MAGI2: variants seen among roughly 807,000 people sequenced by gnomAD.
MAGI2 encodes membrane-associated guanylate kinase, WW and PDZ domain-containing protein 2.
Under a neutral mutation model 133.3 loss-of-function variants are expected in MAGI2, and 35 were observed. That is an observed-to-expected ratio of 0.26 (90% CI 0.20 to 0.35). MAGI2 has a LOEUF of 0.35. MAGI2 is among the 10% of genes least tolerant of loss of function. The pLI, the probability that MAGI2 is intolerant of heterozygous loss-of-function variation, is 1.00. For synonymous variants in MAGI2, 729 were observed against 710.6 expected, an observed-to-expected ratio of 1.03 and a Z score of -0.41; for missense variants, 1,636 against 1,863.4, an observed-to-expected ratio of 0.88 and a Z score of 2.25.
rs544019215 is a variant in MAGI2 at position 78,685,070 on chromosome 7, A to T, written c.419-57831T>A. ...ATAAAGTATTTTATTTGTGGGCTGG[A>T]TGTCCCATCTCAGCCTTAAATGTTT... On this transcript the variant is annotated intron_variant, in intron 2 of 21. Transcript: ENST00000354212. Among the ~76,000 whole-genome samples, 221 of 152,296 alleles carry T rather than the reference A, an allele frequency of 1.5e-3. 1 individual carries two copies. The highest frequency in any genetic ancestry group is 9.1e-3 in the South Asian group (44 of 4,822).
At chr7:79,331,639 G>T (rs1840076955) in intron 1 of MAGI2, among the ~76,000 whole-genome samples, 1 of 152,126 alleles carries the variant, frequency 6.6e-6, no homozygotes, top group Non-Finnish European at 1.5e-5. Flanking sequence ...GAAATGCAAT[G>T]ATTGGCCTCA....
At chr7:78,431,932 T>C (rs1260736969) in intron 6 of MAGI2, among the ~76,000 whole-genome samples, 1 of 152,114 alleles carries the variant, frequency 6.6e-6, no homozygotes, top group African/African-American at 2.4e-5. Context: ...AATTTTTAGA[T>C]AGTTAAGTGA....
At chr7:78,180,687 T>TA (rs1307071133) in intron 13 of MAGI2, among the ~76,000 whole-genome samples, 6 of 152,192 alleles carry the variant, frequency 3.9e-5, no homozygotes, top group Non-Finnish European at 8.8e-5. Context: ...GCCAGCCATT[T>TA]ATTTCATCTT....
At chr7:78,697,110 T>C (rs1439626359) in intron 2 of MAGI2, among the ~76,000 whole-genome samples, 1 of 152,234 alleles carries the variant, frequency 6.6e-6, no homozygotes, top group Non-Finnish European at 1.5e-5. Flanking sequence ...ATTTCTACTA[T>C]CTTTTTCCTT....
At chr7:79,345,538 A>T (rs1252937363) in intron 1 of MAGI2, among the ~76,000 whole-genome samples, 1 of 152,126 alleles carries the variant, frequency 6.6e-6, no homozygotes, top group Non-Finnish European at 1.5e-5. Context: ...ATCCAGGAAG[A>T]CACCAAGTCT....
intron 1 of MAGI2, chr7:79,125,442 T>C (rs1820324319): frequency 6.0e-6 from 3 of 497,346 alleles, no homozygotes; most frequent in Middle Eastern, 6.4e-4. Flanking sequence ...ATGGATTTGA[T>C]AACGATGGTA....
At chr7:79,235,238 TG>T (rs1831793522) in intron 1 of MAGI2, among the ~76,000 whole-genome samples, 2 of 152,196 alleles carry the variant, frequency 1.3e-5, no homozygotes, top group Admixed American at 6.5e-5. Context: ...AGGTTACTGC[TG>T]TTTTTTTGTT....
At chr7:79,243,201 A>G (rs1467403880) in intron 1 of MAGI2, among the ~76,000 whole-genome samples, 1 of 152,196 alleles carries the variant, frequency 6.6e-6, no homozygotes, top group Non-Finnish European at 1.5e-5. Flanking sequence ...CCCATACAGC[A>G]TCAGCTCACA....
chr7:79,042,531 A>G lies in MAGI2; in HGVS notation c.302-35325T>C, dbSNP rs931141400. Among the ~76,000 whole-genome samples, 6 of 152,308 alleles carry G rather than the reference A, an allele frequency of 3.9e-5. No individual in the cohort carries two copies. The East Asian group carries it at 9.7e-4, about 25-fold the overall frequency. On this transcript the variant is annotated intron_variant, in intron 1 of 21. Transcript: ENST00000354212. ...AGGGCATTTAGCCTGTTTACATTCA[A>G]GGTTACTATTTATATACTAAATATA... is the stretch of plus-strand genomic sequence containing the variant.
chr7:78,286,389 T>A (rs866011144), intron 9 of MAGI2, among the ~76,000 whole-genome samples: 1 of 152,132 alleles, frequency 6.6e-6, no homozygotes, highest in African/African-American at 2.4e-5. Flanking sequence ...ACAAAATATA[T>A]GAAATATTTT....
intron 1 of MAGI2, among the ~76,000 whole-genome samples, chr7:79,296,128 G>T (rs934843379): frequency 4.6e-5 from 7 of 152,078 alleles, no homozygotes; most frequent in Admixed American, 1.3e-4. Context: ...TGATATTGTG[G>T]CATCTCTAAA....
chr7:79,109,400 G>A (rs573511243), intron 1 of MAGI2, among the ~76,000 whole-genome samples: 9 of 152,282 alleles, frequency 5.9e-5, no homozygotes, highest in African/African-American at 2.2e-4. Flanking sequence ...CTTAGCAGAG[G>A]GCTTGGCTGC....
chr7:78,798,735 C>A (rs1787821738), intron 2 of MAGI2, among the ~76,000 whole-genome samples: 1 of 152,124 alleles, frequency 6.6e-6, no homozygotes, highest in Admixed American at 6.6e-5. Context: ...ATAATTTTCT[C>A]TCTGAGCTAT....
intron 2 of MAGI2, among the ~76,000 whole-genome samples, chr7:78,892,623 T>C (rs1404224067): frequency 1.3e-5 from 2 of 152,164 alleles, no homozygotes; most frequent in African/African-American, 4.8e-5. Context: ...AAAACAAGCA[T>C]GGGGAAAGGA....
At chr7:79,002,208 T>G (rs575312782) in intron 2 of MAGI2, among the ~76,000 whole-genome samples, 1 of 151,520 alleles carries the variant, frequency 6.6e-6, no homozygotes, top group Non-Finnish European at 1.5e-5. Flanking sequence ...CATGGCTCAC[T>G]GCAGCCTTGA....
intron 9 of MAGI2, among the ~76,000 whole-genome samples, chr7:78,303,147 G>T (rs765340189): frequency 1.1e-4 from 16 of 152,030 alleles, no homozygotes; most frequent in Admixed American, 3.9e-4. Context: ...GGAGGCCAAG[G>T]TGGGTGGATC....
chr7:79,096,546 C>T (rs1015047197), intron 1 of MAGI2, among the ~76,000 whole-genome samples: 2 of 152,172 alleles, frequency 1.3e-5, no homozygotes, highest in Admixed American at 6.5e-5. Context: ...GCATCATCTG[C>T]TTCCTCTGAA....
intron 2 of MAGI2, among the ~76,000 whole-genome samples, chr7:78,655,976 G>A (rs1428547930): frequency 2.8e-4 from 27 of 96,098 alleles, no homozygotes; most frequent in South Asian, 7.5e-4. Context: ...GCAAGACTCC[G>A]TCTCAAAAAA....
intron 1 of MAGI2, among the ~76,000 whole-genome samples, chr7:79,040,540 T>G (rs538152715): frequency 1.3e-5 from 2 of 152,200 alleles, no homozygotes; most frequent in East Asian, 3.9e-4. Flanking sequence ...CAGTTGGTGT[T>G]GATATAGTTT....
Sources: allele counts gnomAD v4.1 joint callset (sites outside exome capture counted in the v4.1 genomes callset), GRCh38; gene constraint gnomAD v4.1.1; transcripts MANE v1.5; gene names NCBI Gene and HGNC (gene_info 2026-07-23, HGNC 2026-07-21).